ACTL6B: variants seen among roughly 807,000 people sequenced by gnomAD.
ACTL6B encodes actin like 6B.
A neutral mutation model predicts 63.3 loss-of-function variants in ACTL6B; 48 were observed. That is an observed-to-expected ratio of 0.76 (90% CI 0.60 to 0.96). ACTL6B has a LOEUF of 0.96. ACTL6B is among the 50% of genes least tolerant of loss of function. The pLI is 0.00. For synonymous variants in ACTL6B, 230 were observed against 223.8 expected (o/e 1.03, Z -0.25); for missense variants, 350 against 572.2 (o/e 0.61, Z 3.96).
At chr7:100,654,182 C>T (rs1803994129) in intron 4 of ACTL6B, among the ~76,000 whole-genome samples, 1 of 151,844 alleles carries the variant, frequency 6.6e-6, no homozygotes, top group Non-Finnish European at 1.5e-5. Flanking sequence ...CCGTGTTATC[C>T]AGGATGGTCT....
Position 100,646,882 on chromosome 7 carries a change from A to G in ACTL6B, c.937-51T>C, listed in dbSNP as rs1361071946. On this transcript the variant is annotated intron_variant, in intron 10 of 13. Coordinates refer to ENST00000160382, the MANE Select transcript of ACTL6B (RefSeq NM_016188.5). This position sits in a 1 kb window ranked among gnomAD's most constrained non-coding sequence, Gnocchi z 6.1. ...TGGGCTCTCTCCCCCTTCCCCCCAG[A>G]CCCCTGCAATCCTTCCCAGCCTCCC... 1.3e-6 allele frequency: 2 copies of G among 1,593,760 alleles called. No homozygotes were observed. Among genetic ancestry groups the G allele is most frequent in the Non-Finnish European group, 1.7e-6 (2 of 1,167,736 alleles).
Sources: allele counts gnomAD v4.1 joint callset (sites outside exome capture counted in the v4.1 genomes callset), GRCh38; gene constraint gnomAD v4.1.1; non-coding constraint Gnocchi (gnomAD v3.1); transcripts MANE v1.5; gene names NCBI Gene and HGNC (gene_info 2026-07-23, HGNC 2026-07-21).